NME7: variants seen among roughly 807,000 people sequenced by gnomAD.
NME7 encodes the protein NME/NM23 family member 7.
A neutral mutation model predicts 49.1 loss-of-function variants in NME7; 41 were observed. That is an observed-to-expected ratio of 0.83 (90% CI 0.65 to 1.08). The LOEUF (loss-of-function observed/expected upper bound fraction) is 1.08. NME7 is among the 50% of genes least tolerant of loss of function. The pLI is 0.00. For synonymous variants in NME7, 139 were observed against 150.6 expected, an observed-to-expected ratio of 0.92 and a Z score of 0.56; for missense variants, 423 against 463.4, an observed-to-expected ratio of 0.91 and a Z score of 0.80.
At chr1:169,141,113 A>G (rs1658581477) in intron 11 of NME7, among the ~76,000 whole-genome samples, 1 of 152,224 alleles carries the variant, frequency 6.6e-6, no homozygotes, top group African/African-American at 2.4e-5. Context: ...CTTGTTGACA[A>G]ATGATTTACA....
At chr1:169,285,216 C>T (rs960056382) in intron 7 of NME7, 1 of 151,902 alleles carries the variant, frequency 6.6e-6, no homozygotes, top group Non-Finnish European at 1.5e-5. Flanking sequence ...ATCCAATAAA[C>T]ATAAACCAGT....
rs371665560 is a variant in NME7 at position 169,338,677 on chromosome 1, C to T, written c.4-14177G>A. On this transcript the variant is annotated intron_variant, in intron 1 of 11. Coordinates refer to ENST00000367811, the MANE Select transcript of NME7 (RefSeq NM_013330.5). ...AACCTCTCTAAAAAGGTTGAACTTT[C>T]CTTTAGACATCTCAAAGAAAACACA... 2.6e-5 allele frequency among the ~76,000 whole-genome samples: 4 copies of T among 152,312 alleles called. No individual in the cohort carries two copies. The East Asian group carries it at 5.8e-4, about 22-fold the overall frequency.
chr1:169,344,480 C>A (rs919018571), intron 1 of NME7, among the ~76,000 whole-genome samples: 5 of 152,194 alleles, frequency 3.3e-5, no homozygotes, highest in Non-Finnish European at 7.3e-5. Flanking sequence ...AGAAAGCATT[C>A]ACACTTGCCA....
chr1:169,186,937 T>C (rs1229027971), intron 10 of NME7, among the ~76,000 whole-genome samples: 1 of 152,170 alleles, frequency 6.6e-6, no homozygotes, highest in Non-Finnish European at 1.5e-5. Context: ...TTGAAGAGAT[T>C]TTGGTATGCT....
At chr1:169,226,242 G>A (rs1647334245) in intron 10 of NME7, among the ~76,000 whole-genome samples, 1 of 152,054 alleles carries the variant, frequency 6.6e-6, no homozygotes, top group African/African-American at 2.4e-5. Flanking sequence ...GCACTTTAAG[G>A]TGAGATTACT....
intron 7 of NME7, among the ~76,000 whole-genome samples, chr1:169,248,103 G>C (rs1648401075): frequency 6.6e-6 from 1 of 152,120 alleles, no homozygotes; most frequent in Admixed American, 6.6e-5. Flanking sequence ...CCTACCAGCA[G>C]TGTATAGGTG....
intron 10 of NME7, among the ~76,000 whole-genome samples, chr1:169,223,774 CAT>C (rs369704336): frequency 1.7e-3 from 250 of 150,968 alleles, no homozygotes; most frequent in Non-Finnish European, 2.0e-3. Flanking sequence ...GGAATACATG[CAT>C]ATATATATAT....
chr1:169,224,214 C>T (rs1341951992), intron 10 of NME7, among the ~76,000 whole-genome samples: 4 of 152,146 alleles, frequency 2.6e-5, no homozygotes, highest in Non-Finnish European at 5.9e-5. Context: ...TGGCACTGGG[C>T]TGCCTCCAAG....
chr1:169,201,673 T>C (rs1660555270), intron 10 of NME7, among the ~76,000 whole-genome samples: 1 of 152,076 alleles, frequency 6.6e-6, no homozygotes, highest in African/African-American at 2.4e-5. Flanking sequence ...AATGAATTTA[T>C]GGAGATAAGA....
At chr1:169,329,096 C>T (rs1053212802) in intron 1 of NME7, among the ~76,000 whole-genome samples, 1 of 152,086 alleles carries the variant, frequency 6.6e-6, no homozygotes, top group South Asian at 2.1e-4. Flanking sequence ...ACCTTTCAGA[C>T]AGAGTATTCA....
At chr1:169,241,638 TAA>T (rs955774195) in intron 7 of NME7, among the ~76,000 whole-genome samples, 1 of 151,604 alleles carries the variant, frequency 6.6e-6, no homozygotes, top group East Asian at 1.9e-4. Context: ...TTATTAGTAA[TAA>T]AAAAATTTTA....
rs986124112 is a variant in NME7 at position 169,331,950 on chromosome 1, A to T, written c.4-7450T>A. The stretch of plus-strand genomic sequence containing the variant: ...AAATACCAATGTCGTTCTTCAAAGA[A>T]TAGAAATAGAAAAAACAATTCTAGA... On this transcript the variant is annotated intron_variant, in intron 1 of 11. Transcript: ENST00000367811. Among the ~76,000 whole-genome samples the T allele has an allele frequency of 1.1e-4, 16 of 152,144 alleles. 1 individual carries two copies. The highest frequency in any genetic ancestry group is 9.8e-4 in the Admixed American group (15 of 15,272).
chr1:169,256,813 A>G (rs1295368138), intron 7 of NME7, among the ~76,000 whole-genome samples: 1 of 130,314 alleles, frequency 7.7e-6, no homozygotes, highest in Non-Finnish European at 1.8e-5. Context: ...GTCTGTTGGA[A>G]TACCCTGCCG....
intron 3 of NME7, among the ~76,000 whole-genome samples, chr1:169,311,081 T>G (rs74121615): frequency 6.6e-6 from 1 of 152,120 alleles, no homozygotes; most frequent in Non-Finnish European, 1.5e-5. Flanking sequence ...TCTTTTCATT[T>G]TGGATTTTTT....
chr1:169,150,331 G>T (rs898373221), intron 11 of NME7, among the ~76,000 whole-genome samples: 1 of 152,142 alleles, frequency 6.6e-6, no homozygotes, highest in African/African-American at 2.4e-5. Flanking sequence ...CTGTATACTT[G>T]TTATAAAAAA....
At chr1:169,327,735 T>C (rs77327090) in intron 1 of NME7, among the ~76,000 whole-genome samples, 2,197 of 152,288 alleles carry the variant, frequency 0.014, 46 homozygotes, top group African/African-American at 0.048. Context: ...TTGACCAATA[T>C]TGGAATTGCA....
Position 169,286,953 on chromosome 1 carries a change from C to CAAAAAAAAAA in NME7, c.754+340_754+349dup, listed in dbSNP as rs71121752. 1.9e-4 allele frequency: 22 copies of CAAAAAAAAAA among 118,542 alleles called. No individual in the cohort carries two copies. In the East Asian group the frequency reaches 2.0e-3, roughly 11 times the overall value. The allele number at this position is 118,542 out of a possible 1,614,324, so 7.3% of individuals were successfully genotyped here. A position where few individuals can be genotyped will look rare whatever the true frequency, so the allele number is the denominator to read the frequency against. ...TGGACAACAGAACTAGACTCTGTCTCAAAAAAAAAAAAAAAAAGTGCTATT... is the reference window on the plus strand; with the variant it reads ...TGGACAACAGAACTAGACTCTGTCTCAAAAAAAAAAAAAAAAAAAAAAAAAAAGTGCTATT... On this transcript the variant is annotated intron_variant, in intron 7 of 11. Coordinates refer to ENST00000367811, the MANE Select transcript of NME7 (RefSeq NM_013330.5).
intron 9 of NME7, among the ~76,000 whole-genome samples, chr1:169,232,282 G>T (rs1171988024): frequency 6.6e-6 from 1 of 151,814 alleles, no homozygotes; most frequent in Non-Finnish European, 1.5e-5. Context: ...TGGAGAGAAA[G>T]AAAAATGAAG....
chr1:169,323,485 C>T (rs1303394811), intron 2 of NME7, among the ~76,000 whole-genome samples: 1 of 152,120 alleles, frequency 6.6e-6, no homozygotes. Context: ...AACATAAAAG[C>T]TTCTTATTAC....
Sources: allele counts gnomAD v4.1 joint callset (sites outside exome capture counted in the v4.1 genomes callset), GRCh38; gene constraint gnomAD v4.1.1; transcripts MANE v1.5; gene names NCBI Gene and HGNC (gene_info 2026-07-23, HGNC 2026-07-21).